The following RIOX2 variants were observed in gnomAD, a reference collection of about 807,000 sequenced individuals.
The protein encoded by RIOX2 is ribosomal oxygenase 2.
In RIOX2, 43 loss-of-function variants were observed where a neutral mutation model predicts 51.2. The ratio of observed to expected loss-of-function variants is 0.84; its 90% confidence interval spans 0.66 to 1.08. RIOX2 has a LOEUF of 1.08. RIOX2 is among the 50% of genes least tolerant of loss of function. RIOX2 has a pLI of 0.00. For synonymous variants in RIOX2, 226 were observed against 218.5 expected (o/e 1.03, Z -0.30); for missense variants, 566 against 561.7 (o/e 1.01, Z -0.08).
At chr3:97,961,235 T>C (rs1705660174) in intron 3 of RIOX2, among the ~76,000 whole-genome samples, 1 of 152,154 alleles carries the variant, frequency 6.6e-6, no homozygotes, top group African/African-American at 2.4e-5. Flanking sequence ...ACATGAAGGA[T>C]TATTTGTGAC....
intron 4 of RIOX2, among the ~76,000 whole-genome samples, chr3:97,957,037 G>A (rs905187075): frequency 1.4e-4 from 21 of 152,188 alleles, no homozygotes; most frequent in African/African-American, 5.1e-4. Flanking sequence ...TGGGTCTGCA[G>A]ATGAACTGCA....
intron 2 of RIOX2, among the ~76,000 whole-genome samples, chr3:97,966,674 T>C (rs539011669): frequency 1.9e-4 from 29 of 152,356 alleles, no homozygotes; most frequent in African/African-American, 6.7e-4. Context: ...AGTCTCTTTA[T>C]TGGACTTGCA....
intron 5 of RIOX2, among the ~76,000 whole-genome samples, chr3:97,953,749 G>C (rs970301805): frequency 6.6e-6 from 1 of 152,174 alleles, no homozygotes; most frequent in South Asian, 2.1e-4. Context: ...AACTCACACA[G>C]CACTGCCACC....
Position 97,942,619 on chromosome 3 carries a change from C to T in RIOX2, c.*2565G>A. On this transcript the variant is annotated 3_prime_UTR_variant, in exon 10 of 10. Transcript: ENST00000394198. ...CAAACAAAACAATTAGCAGAAAAAG[C>T]CAAACAACAAAGCTTAGGGTTTTTG... 1.7e-6 allele frequency: 1 copy of T among 582,294 alleles called. No homozygotes were observed. The highest frequency in any genetic ancestry group is 3.1e-5 in the South Asian group (1 of 32,760). 36.1% of individuals were successfully genotyped at this position (582,294 alleles called of 1,614,324 possible). A position where few individuals can be genotyped will look rare whatever the true frequency, so the allele number is the denominator to read the frequency against.
Position 97,943,018 on chromosome 3 carries a change from T to G in RIOX2, c.*2166A>C, listed in dbSNP as rs1559751981. 2 of 537,774 alleles carry G rather than the reference T, an allele frequency of 3.7e-6. No individual in the cohort carries two copies. The highest frequency in any genetic ancestry group is 4.7e-5 in the South Asian group (2 of 42,818). The allele number at this position is 537,774 out of a possible 1,614,324, so 33.3% of individuals were successfully genotyped here. Reference sequence around the variant, plus strand: ...CTTATACAATCATGTATTATACCTTTTAGTATTTCAATTTGAGTCATAATA... The same window carrying G: ...CTTATACAATCATGTATTATACCTTGTAGTATTTCAATTTGAGTCATAATA... On this transcript the variant is annotated 3_prime_UTR_variant, in exon 10 of 10. Transcript: ENST00000394198.
At position 97,943,215 on chromosome 3, in the gene RIOX2, T is replaced by A. The variant is rs750814374; in HGVS notation, c.*1969A>T. The A allele has an allele frequency of 2.0e-6, 3 of 1,495,330 alleles. No individual in the cohort carries two copies. The highest frequency in any genetic ancestry group is 1.8e-6 in the Non-Finnish European group (2 of 1,083,868). 92.6% of individuals were successfully genotyped at this position (1,495,330 alleles called of 1,614,324 possible). On this transcript the variant is annotated 3_prime_UTR_variant, in exon 10 of 10. Coordinates refer to ENST00000394198, the MANE Select transcript of RIOX2 (RefSeq NM_153182.4). Reference sequence around the variant, plus strand: ...AACAAATAATCTTTTCTTTTGGAATTTCTATTTTAGGAGGAAATTATTGTG... The same window carrying A: ...AACAAATAATCTTTTCTTTTGGAATATCTATTTTAGGAGGAAATTATTGTG...
chr3:97,954,270 C>T lies in RIOX2; in HGVS notation c.785+122G>A, dbSNP rs1015746033. ...AAGGAATGTGGAAGTCAGTAAAGGA[C>T]ATAAACCCTGGGGTTTGCATAGGAG... On this transcript the variant is annotated intron_variant, in intron 5 of 9. Transcript: ENST00000394198. 1.3e-5 allele frequency: 9 copies of T among 690,966 alleles called. No individual in the cohort carries two copies. In the South Asian group the frequency reaches 1.3e-4, roughly 10 times the overall value. The allele number at this position is 690,966 out of a possible 1,614,324, so 42.8% of individuals were successfully genotyped here.
chr3:97,961,792 C>G (rs1439063203), intron 2 of RIOX2, 84 bp from the exon 3 acceptor site: 2 of 1,438,018 alleles, frequency 1.4e-6, no homozygotes, highest in African/African-American at 2.9e-5. Flanking sequence ...TGTTCTTGTT[C>G]ACTTAGGAAG....
chr3:97,959,102 G>A lies in RIOX2; in HGVS notation c.630C>T (p.Ser210=), dbSNP rs777633343. ...HPTVPLAREY[S]VEAEERIGRP... ...TGCCGATCCTTTCCTCGGCCTCCAC[G>A]CTGTACTCTCGTGCCAGGGGCACAG... The change falls in exon 4 of 10, where the codon AGC becomes AGT. Residue 210 remains serine, a synonymous_variant. Coordinates refer to ENST00000394198, the MANE Select transcript of RIOX2 (RefSeq NM_153182.4). 8.1e-6 allele frequency: 13 copies of A among 1,613,786 alleles called. No individual in the cohort carries two copies. Among genetic ancestry groups the A allele is most frequent in the African/African-American group, 2.7e-5 (2 of 74,986 alleles).
intron 3 of RIOX2, among the ~76,000 whole-genome samples, chr3:97,959,639 G>C (rs868005447): frequency 4.6e-5 from 7 of 152,058 alleles, no homozygotes; most frequent in Non-Finnish European, 7.4e-5. Context: ...AACCGTGCAG[G>C]TCCGCTTATA....
chr3:97,952,862 T>C (rs1026821364), intron 5 of RIOX2, among the ~76,000 whole-genome samples: 56 of 152,104 alleles, frequency 3.7e-4, no homozygotes, highest in African/African-American at 1.3e-3. Context: ...GAGGGCATTT[T>C]TCAAAATGGA....
rs776823096 is a variant in RIOX2, at chr3:97,949,897, A to C, written c.1007T>G (p.Met336Arg). Residue 336 changes from methionine to arginine, a missense_variant, in exon 7 of 10, where the codon ATG becomes AGG. By Grantham distance (91) the Met-to-Arg change is moderately conservative (BLOSUM62 -1). Transcript: ENST00000394198. Reference protein sequence around the residue: ...LSSDMKKDFIMHRLPPYSAGD... With the variant: ...LSSDMKKDFIRHRLPPYSAGD... ...CGCAGAGTAAGGGGGGAGTCTGTGC[A>C]TAATAAAATCCTTCTTCATGTCTGA... The C allele has an allele frequency of 1.9e-6, 3 of 1,613,750 alleles. No individual in the cohort carries two copies. The highest frequency in any genetic ancestry group is 2.2e-5 in the South Asian group (2 of 91,066).
At chr3:97,955,813 C>T (rs889956507) in intron 4 of RIOX2, among the ~76,000 whole-genome samples, 2 of 152,100 alleles carry the variant, frequency 1.3e-5, no homozygotes, top group African/African-American at 2.4e-5. Flanking sequence ...AGTGTACTAC[C>T]TACATTACAT....
intron 4 of RIOX2, among the ~76,000 whole-genome samples, chr3:97,955,216 T>C (rs574001888): frequency 6.6e-6 from 1 of 152,296 alleles, no homozygotes; most frequent in South Asian, 2.1e-4. Flanking sequence ...TGAAAAACTA[T>C]ACAATCCCTA....
intron 4 of RIOX2, among the ~76,000 whole-genome samples, chr3:97,958,203 T>C (rs1705527006): frequency 6.6e-6 from 1 of 152,212 alleles, no homozygotes; most frequent in African/African-American, 2.4e-5. Flanking sequence ...AACAGGCTAA[T>C]TATAACTTCG....
chr3:97,950,071 T>C, intron 6 of RIOX2, 56 bp from the exon 7 acceptor site: 1 of 1,590,506 alleles, frequency 6.3e-7, no homozygotes. Context: ...ACTGCCCAGC[T>C]CAGTCTCCAC....
chr3:97,970,897 A>C (rs1176191560), intron 1 of RIOX2, among the ~76,000 whole-genome samples: 1 of 152,230 alleles, frequency 6.6e-6, no homozygotes, highest in Middle Eastern at 3.2e-3. Flanking sequence ...GAGGACATGA[A>C]GACGTGAGGA....
chr3:97,969,483 C>T (rs1201438009), intron 1 of RIOX2, among the ~76,000 whole-genome samples: 1 of 152,218 alleles, frequency 6.6e-6, no homozygotes, highest in African/African-American at 2.4e-5. Flanking sequence ...GAAAGTGCAG[C>T]TTGTGGCCGA....
intron 8 of RIOX2, 56 bp from the exon 9 acceptor site, chr3:97,945,943 A>C (rs2040347540): frequency 1.6e-6 from 2 of 1,271,980 alleles, no homozygotes; most frequent in Non-Finnish European, 2.3e-6. Context: ...TGAAGGTGTC[A>C]GTACTAGGAA....
Sources: allele counts gnomAD v4.1 joint callset (sites outside exome capture counted in the v4.1 genomes callset), GRCh38; gene constraint gnomAD v4.1.1; transcripts MANE v1.5; gene names NCBI Gene and HGNC (gene_info 2026-07-23, HGNC 2026-07-21).